Variants in MT1B observed in about 807,000 individuals in gnomAD.
MT1B encodes metallothionein 1B.
Under a neutral mutation model 7.9 loss-of-function variants are expected in MT1B, and 4 were observed. The observed-to-expected ratio is 0.51, with a 90% CI of 0.25 to 1.16. The LOEUF is 1.16. Ranked by LOEUF, MT1B falls within the 50% of genes most tolerant of loss-of-function variation. The pLI is 0.15. For missense variants in MT1B, 76 were observed against 75.2 expected (o/e 1.01, Z -0.04); for synonymous variants, 22 against 27.6 (o/e 0.80, Z 0.63).
chr16:56,653,184 A>G lies in MT1B; in HGVS notation c.*119A>G. ...TTTTTCTATTCAATATGTGAAAGAC[A>G]ATAAAACACTTTTGACTTGATTCTG... On this transcript the variant is annotated 3_prime_UTR_variant, in exon 3 of 3. Transcript: ENST00000334346. 1 of 920,538 alleles carries G rather than the reference A, an allele frequency of 1.1e-6. No individual in the cohort carries two copies. Among genetic ancestry groups the G allele is most frequent in the East Asian group, 2.6e-5 (1 of 38,566 alleles). The allele number at this position is 920,538 out of a possible 1,614,324, so 57.0% of individuals were successfully genotyped here.
At chr16:56,652,451 T>G (rs1445306729) in intron 1 of MT1B, 120 bp from the exon 2 acceptor site, 3 of 978,832 alleles carry the variant, frequency 3.1e-6, no homozygotes, top group African/African-American at 1.6e-5. Flanking sequence ...CCGCTCTGAG[T>G]GGGAAAGGAG....
chr16:56,652,079 G>C, intron 1 of MT1B, 98 bp downstream of exon 1: 1 of 1,480,130 alleles, frequency 6.8e-7, no homozygotes, highest in South Asian at 1.1e-5. Context: ...GATGTGAGTT[G>C]AAGGGAACTC....
chr16:56,652,981 C>T lies in MT1B; in HGVS notation c.102C>T (p.Cys34=), dbSNP rs748549808. 1 of 1,613,270 alleles carries T rather than the reference C, an allele frequency of 6.2e-7. No individual in the cohort carries two copies. The highest frequency in any genetic ancestry group is 1.7e-5 in the Admixed American group (1 of 60,028). Residue 34 remains cysteine (C), a synonymous_variant, in exon 3 of 3, where the codon TGC becomes TGT. Coordinates refer to ENST00000334346, the MANE Select transcript of MT1B (RefSeq NM_005947.3). ...TCTCCCCTTCTTCCCCAGGCTGCTG[C>T]TCTTGCTGCCCCGTGGGCTGTGCCA... ...CKCTSCKKCC[C]SCCPVGCAKC...
At chr16:56,652,391 G>A (rs1482421962) in intron 1 of MT1B, among the ~76,000 whole-genome samples, 180 bp from the exon 2 acceptor site, 4 of 152,152 alleles carry the variant, frequency 2.6e-5, no homozygotes, top group African/African-American at 9.7e-5. Flanking sequence ...ATAAAGAAGG[G>A]TGCTTGCCCT....
intron 2 of MT1B, 38 bp downstream of exon 2, chr16:56,652,674 G>T: frequency 6.2e-7 from 1 of 1,611,670 alleles, no homozygotes; most frequent in Non-Finnish European, 8.5e-7. Flanking sequence ...TGGGGCTGTG[G>T]CTAAGCTTGG....
chr16:56,653,051 C>T lies in MT1B; in HGVS notation c.172C>T (p.Arg58Cys), dbSNP rs150169984. 1.6e-4 allele frequency: 254 copies of T among 1,613,884 alleles called. No individual in the cohort carries two copies. The highest frequency in any genetic ancestry group is 2.1e-4 in the Non-Finnish European group (242 of 1,179,974). ...CTGCAAAGGCTCATCAGAGAAGTGC[C>T]GCTGCTGTGCCTGATGTTGGGAGAG... is the stretch of plus-strand genomic sequence containing the variant. ...CVCKGSSEKC[R>C]CCA Residue 58 changes from arginine (R) to cysteine (C), a missense_variant, in exon 3 of 3, where the codon CGC becomes TGC. By Grantham distance (180) the Arg-to-Cys change is radical (BLOSUM62 -3). Transcript: ENST00000334346.
intron 1 of MT1B, among the ~76,000 whole-genome samples, chr16:56,652,359 T>C (rs954764321): frequency 1.6e-4 from 24 of 152,178 alleles, no homozygotes; most frequent in African/African-American, 5.6e-4. Context: ...TGTGTGGAGC[T>C]GGGACCTTCC....
At chr16:56,652,108 T>C in intron 1 of MT1B, 127 bp downstream of exon 1, 2 of 1,177,442 alleles carry the variant, frequency 1.7e-6, no homozygotes, top group Non-Finnish European at 2.5e-6. Context: ...TTGCCAGTGC[T>C]TTCCTCTTGC....
At position 56,652,606 on chromosome 16, in the gene MT1B, A is replaced by C; in HGVS notation, c.64A>C (p.Lys22Gln). Residue 22 changes from lysine to glutamine, a missense_variant, in exon 2 of 3, where the codon AAA becomes CAA. By Grantham distance (53) the Lys-to-Gln change is moderately conservative. Transcript: ENST00000334346. The stretch of plus-strand genomic sequence containing the variant: ...TGCCTGCGCCGGCTCCTGCAAGTGC[A>C]AAGAGTGCAAATGTACCTCCTGCAA... ...SCACAGSCKC[K>Q]ECKCTSCKKC... The C allele has an allele frequency of 6.2e-7, 1 of 1,613,994 alleles. No homozygotes were observed. Among genetic ancestry groups the C allele is most frequent in the South Asian group, 1.1e-5 (1 of 91,082 alleles).
Position 56,653,124 on chromosome 16 carries a change from T to C in MT1B, c.*59T>C. ...AGCAACCAGTACTAACCTGGATTTT[T>C]TTTTTTAACTACCCTGACCGGTTTG... On this transcript the variant is annotated 3_prime_UTR_variant, in exon 3 of 3. Coordinates refer to ENST00000334346, the MANE Select transcript of MT1B (RefSeq NM_005947.3). The C allele has an allele frequency of 1.3e-6, 2 of 1,534,506 alleles. No homozygotes were observed. The highest frequency in any genetic ancestry group is 1.8e-6 in the Non-Finnish European group (2 of 1,115,136).
At chr16:56,652,488 A>T in intron 1 of MT1B, 83 bp from the exon 2 acceptor site, 2 of 1,313,456 alleles carry the variant, frequency 1.5e-6, no homozygotes, top group Non-Finnish European at 2.2e-6. Context: ...TGCACAGAGG[A>T]TGGCGCACTG....
chr16:56,652,535 T>C, intron 1 of MT1B, 36 bp from the exon 2 acceptor site: 1 of 1,603,920 alleles, frequency 6.2e-7, no homozygotes, highest in Non-Finnish European at 8.5e-7. Flanking sequence ...TTCTGCATCT[T>C]ACTCACTGCC....
intron 1 of MT1B, 42 bp downstream of exon 1, chr16:56,652,023 G>A (rs1253691448): frequency 5.6e-6 from 9 of 1,612,248 alleles, no homozygotes; most frequent in East Asian, 2.2e-5. Context: ...GCCCATTCCC[G>A]GCCACTGTAC....
Position 56,653,177 on chromosome 16 carries a change from GA to G in MT1B, c.*115del. On this transcript the variant is annotated 3_prime_UTR_variant, in exon 3 of 3. Transcript: ENST00000334346. ...ACATTCTTTTTTCTATTCAATATGT[GA>G]AAGACAATAAAACACTTTTGACTTG... is the stretch of plus-strand genomic sequence containing the variant. 1 of 999,038 alleles carries G rather than the reference GA, an allele frequency of 1.0e-6. No individual in the cohort carries two copies. Among genetic ancestry groups the G allele is most frequent in the Non-Finnish European group, 1.5e-6 (1 of 669,358 alleles). 61.9% of individuals were successfully genotyped at this position (999,038 alleles called of 1,614,324 possible).
At chr16:56,652,429 GC>G in intron 1 of MT1B, 141 bp from the exon 2 acceptor site, 1 of 824,442 alleles carries the variant, frequency 1.2e-6, no homozygotes, top group South Asian at 1.5e-5. Context: ...AGGACATGGG[GC>G]TTCTGTTCCT....
At position 56,652,107 on chromosome 16, in the gene MT1B, C is replaced by T. The variant is rs552123055; in HGVS notation, c.28+126C>T. 11 of 1,205,950 alleles carry T rather than the reference C, an allele frequency of 9.1e-6. 1 individual carries two copies. The East Asian group carries it at 2.2e-4, about 24-fold the overall frequency. 74.7% of individuals were successfully genotyped at this position (1,205,950 alleles called of 1,614,324 possible). A position where few individuals can be genotyped will look rare whatever the true frequency, so the allele number is the denominator to read the frequency against. On this transcript the variant is annotated intron_variant, in intron 1 of 2. Transcript: ENST00000334346. ...GGGAACTCGTTTACTTTTGCCAGTG[C>T]TTTCCTCTTGCCCAAGCTCCTGTGA...
intron 2 of MT1B, 145 bp downstream of exon 2, chr16:56,652,781 T>G: frequency 8.2e-7 from 1 of 1,223,588 alleles, no homozygotes; most frequent in Non-Finnish European, 1.2e-6. Flanking sequence ...CTTTCTGCTC[T>G]GAGCTCAGAT....
intron 1 of MT1B, 136 bp from the exon 2 acceptor site, chr16:56,652,435 G>T: frequency 1.1e-6 from 1 of 869,770 alleles, no homozygotes; most frequent in Non-Finnish European, 1.9e-6. Context: ...TGGGGCTTCT[G>T]TTCCTCCGCT....
In MT1B at chr16:56,653,019, G is replaced by A. The variant is rs201236835; in HGVS notation, c.140G>A (p.Gly47Asp). The A allele has an allele frequency of 2.5e-6, 4 of 1,613,764 alleles. No homozygotes were observed. The East Asian group carries it at 8.9e-5, about 36-fold the overall frequency. ...CPVGCAKCAQGCVCKGSSEKC... is the reference protein window; with the variant it reads ...CPVGCAKCAQDCVCKGSSEKC... ...GTGGGCTGTGCCAAGTGTGCCCAGG[G>A]CTGTGTCTGCAAAGGCTCATCAGAG... The change falls in exon 3 of 3, where the codon GGC (glycine) becomes GAC (aspartate). Residue 47 changes from glycine (G) to aspartate (D), a missense_variant. Coordinates refer to ENST00000334346, the MANE Select transcript of MT1B (RefSeq NM_005947.3).
Sources: gnomAD v4.1 joint callset for allele counts (sites outside exome capture counted in the v4.1 genomes callset) on GRCh38, gnomAD v4.1.1 for gene constraint, MANE v1.5 for transcripts, NCBI Gene and HGNC (gene_info 2026-07-23, HGNC 2026-07-21) for gene names.